Variants in CUX2 observed in about 807,000 individuals in gnomAD.
CUX2 encodes the protein cut like homeobox 2, also known as homeobox protein cut-like 2.
A neutral mutation model predicts 144.8 loss-of-function variants in CUX2; 40 were observed. The ratio of observed to expected loss-of-function variants is 0.28; its 90% CI spans 0.21 to 0.36. The LOEUF is 0.36. Ranked by LOEUF, CUX2 falls within the 10% of genes least tolerant of loss-of-function variation. The pLI, the probability that CUX2 is intolerant of heterozygous loss-of-function variation, is 1.00. For missense variants in CUX2, 1,615 were observed against 1,994.0 expected, an observed-to-expected ratio of 0.81 and a Z score of 3.62; for synonymous variants, 827 against 875.6, an observed-to-expected ratio of 0.94 and a Z score of 0.98.
At chr12:111,345,444 CAA>C (rs34883804) in intron 21 of CUX2, among the ~76,000 whole-genome samples, 41 of 60,574 alleles carry the variant, frequency 6.8e-4, no homozygotes, top group Non-Finnish European at 6.9e-4. Flanking sequence ...GACTCCATCT[CAA>C]AAAAAAAAAA....
chr12:111,196,704 G>T (rs967868018), intron 1 of CUX2, among the ~76,000 whole-genome samples: 1 of 152,170 alleles, frequency 6.6e-6, no homozygotes, highest in Non-Finnish European at 1.5e-5. Context: ...ACCCGTTGTG[G>T]TTACTGAGCA....
In CUX2 at chr12:111,346,604, G is replaced by T. The variant is rs1305243668; in HGVS notation, c.3660-920G>T. On this transcript the variant is annotated intron_variant, in intron 21 of 21. Coordinates refer to ENST00000261726, the MANE Select transcript of CUX2 (RefSeq NM_015267.4). ...ATAGTCTATATTAGTGTACTTTATTGTTAACATAAATGGCCAGGGAGCCAC... is the reference window on the plus strand; with the variant it reads ...ATAGTCTATATTAGTGTACTTTATTTTTAACATAAATGGCCAGGGAGCCAC... Among the ~76,000 whole-genome samples, 7 of 152,216 alleles carry T rather than the reference G, an allele frequency of 4.6e-5. 1 individual carries two copies. In the South Asian group the frequency reaches 1.5e-3, roughly 32 times the overall value.
At chr12:111,214,173 CTT>C (rs373389929) in intron 1 of CUX2, 25 bp from the exon 2 acceptor site, 41,523 of 973,138 alleles carry the variant, frequency 0.043, 3 homozygotes, top group South Asian at 0.049. Flanking sequence ...CTCTCTCTCT[CTT>C]TTTTTTTTTT....
chr12:111,141,204 T>C (rs924636617), intron 1 of CUX2, among the ~76,000 whole-genome samples: 1 of 150,168 alleles, frequency 6.7e-6, no homozygotes, highest in African/African-American at 2.5e-5. Context: ...TAGGTACAAA[T>C]TAGGGACTCA....
intron 1 of CUX2, among the ~76,000 whole-genome samples, chr12:111,089,030 T>C (rs1872408533): frequency 6.6e-6 from 1 of 152,030 alleles, no homozygotes; most frequent in African/African-American, 2.4e-5. Flanking sequence ...TGTGCAGTGT[T>C]GGGTGGTATT....
In CUX2 at chr12:111,293,498, C is replaced by T. The variant is rs1201001260; in HGVS notation, c.489C>T (p.Arg163=). The part of the protein sequence containing the change: ...PAGPTLTEGS[R]LPGIPGKALL... Reference sequence around the variant, plus strand: ...GGCCCACGCTGACCGAGGGAAGCCGCCTCCCAGGCATTCCCGGGAAAGCCC... The same window carrying T: ...GGCCCACGCTGACCGAGGGAAGCCGTCTCCCAGGCATTCCCGGGAAAGCCC... Residue 163 remains arginine, a synonymous_variant, in exon 6 of 22, where the codon CGC becomes CGT. Transcript: ENST00000261726. This position sits in a 1 kb window ranked among gnomAD's most constrained non-coding sequence, Gnocchi z 4.5. 2 of 1,607,820 alleles carry T rather than the reference C, an allele frequency of 1.2e-6. No homozygotes were observed. The highest frequency in any genetic ancestry group is 2.7e-5 in the African/African-American group (2 of 74,876).
intron 1 of CUX2, among the ~76,000 whole-genome samples, chr12:111,162,894 A>G (rs1434937700): frequency 6.6e-6 from 1 of 151,912 alleles, no homozygotes; most frequent in East Asian, 1.9e-4. Flanking sequence ...AAAAATACAA[A>G]ACCTAGCCAG....
intron 1 of CUX2, among the ~76,000 whole-genome samples, chr12:111,048,374 G>T (rs1446773997): frequency 6.6e-6 from 1 of 152,194 alleles, no homozygotes; most frequent in Non-Finnish European, 1.5e-5. Context: ...AACGTTTCGA[G>T]GACTAGCACT....
intron 1 of CUX2, among the ~76,000 whole-genome samples, chr12:111,182,920 A>T (rs12305467): frequency 0.083 from 12,685 of 152,188 alleles, 1,253 homozygotes; most frequent in African/African-American, 0.24. Context: ...TAATCGGAAT[A>T]GCACCAGCCA....
rs3742006 is a variant in CUX2, at chr12:111,322,447, G to C, written c.2793G>C (p.Val931=). 0.19 allele frequency: 302,832 copies of C among 1,569,480 alleles called. 37,730 individuals carry two copies. Among genetic ancestry groups the C allele is most frequent in the East Asian group, 0.69 (29,465 of 42,552 alleles). The change falls in exon 18 of 22, where the codon GTG becomes GTC. Residue 931 remains valine, a synonymous_variant. Coordinates refer to ENST00000261726, the MANE Select transcript of CUX2 (RefSeq NM_015267.4). The surrounding 1 kb of genome is among the most constrained non-coding windows in gnomAD (Gnocchi z 4.2). ...TGCTGGGCCTGTCACAGGGCAGCGT[G>C]AGCGACATGCTGTCCCGGCCGAAGC... ...EKVLGLSQGS[V]SDMLSRPKPW... is the part of the protein sequence containing the mutation.
intron 1 of CUX2, among the ~76,000 whole-genome samples, chr12:111,104,092 A>G (rs959663683): frequency 6.6e-6 from 1 of 152,180 alleles, no homozygotes; most frequent in Non-Finnish European, 1.5e-5. Flanking sequence ...CACGGCTACT[A>G]CTAAAAGCCT....
At chr12:111,311,155 C>T (rs1365640143) in intron 15 of CUX2, among the ~76,000 whole-genome samples, 16 of 152,336 alleles carry the variant, frequency 1.1e-4, no homozygotes, top group East Asian at 3.9e-4. Flanking sequence ...ACCTGTGCCC[C>T]GGTTTCTGCA....
intron 1 of CUX2, among the ~76,000 whole-genome samples, chr12:111,206,533 G>A (rs557036834): frequency 1.2e-4 from 19 of 152,086 alleles, no homozygotes; most frequent in African/African-American, 3.6e-4. Flanking sequence ...AGTGTATGTC[G>A]GCACATAGTG....
At chr12:111,147,265 GA>G (rs1876741835) in intron 1 of CUX2, among the ~76,000 whole-genome samples, 1 of 152,222 alleles carries the variant, frequency 6.6e-6, no homozygotes, top group Admixed American at 6.5e-5. Flanking sequence ...GCTGGAAATT[GA>G]ACCAGTTCTA....
In CUX2 at chr12:111,040,176, A is replaced by G. The variant is rs1869668918; in HGVS notation, c.63+5936A>G. Among the ~76,000 whole-genome samples, 6 of 150,906 alleles carry G rather than the reference A, an allele frequency of 4.0e-5. No homozygotes were observed. In the South Asian group the frequency reaches 1.3e-3, roughly 32 times the overall value. On this transcript the variant is annotated intron_variant, in intron 1 of 21. Transcript: ENST00000261726. ...GTGGCACCTGCCTGCAGTCCCAGAT[A>G]CTCAGGAGGCTGAGGTGGGAGGATT...
chr12:111,248,217 A>G (rs1170721838), intron 3 of CUX2, among the ~76,000 whole-genome samples: 1 of 152,060 alleles, frequency 6.6e-6, no homozygotes, highest in East Asian at 1.9e-4. Flanking sequence ...ATATCTTTTA[A>G]CTGCTGGTGT....
intron 18 of CUX2, among the ~76,000 whole-genome samples, chr12:111,332,428 C>G (rs545355381): frequency 6.6e-6 from 1 of 152,018 alleles, no homozygotes; most frequent in East Asian, 1.9e-4. Context: ...CCACTGCACC[C>G]GGCCCCAATC....
At chr12:111,189,531 C>T (rs1879751719) in intron 1 of CUX2, among the ~76,000 whole-genome samples, 1 of 152,228 alleles carries the variant, frequency 6.6e-6, no homozygotes, top group African/African-American at 2.4e-5. Flanking sequence ...TTGATTCATG[C>T]TCGTGGCCAC....
rs1592977189 is a variant in CUX2 at position 111,330,718 on chromosome 12, T to TATATATATATATATACATATAC, written c.2927-3708_2927-3707insCATATACATATATATATATATA. Among the ~76,000 whole-genome samples the TATATATATATATATACATATAC allele has an allele frequency of 2.8e-4, 12 of 43,552 alleles. 1 individual carries two copies. In the East Asian group the frequency reaches 5.7e-3, roughly 21 times the overall value. 28.6% of individuals were successfully genotyped at this position (43,552 alleles called of 152,430 possible). On this transcript the variant is annotated intron_variant, in intron 18 of 21. Transcript: ENST00000261726. Reference sequence around the variant, plus strand: ...ATATATATATATATATATATATATATATATATATATATATATATATATATA... The same window carrying TATATATATATATATACATATAC: ...ATATATATATATATATATATATATATATATATATATATATACATATACATATATATATATATATATATATATA...
Sources: gnomAD v4.1 joint callset for allele counts (sites outside exome capture counted in the v4.1 genomes callset) on GRCh38, gnomAD v4.1.1 for gene constraint, Gnocchi (gnomAD v3.1) non-coding constraint, MANE v1.5 for transcripts, NCBI Gene and HGNC (gene_info 2026-07-23, HGNC 2026-07-21) for gene names.